The following PCM1 variants were observed in gnomAD, a reference collection of about 807,000 sequenced individuals.
The protein encoded by PCM1 is pericentriolar material 1.
In PCM1, 157 loss-of-function variants were observed where a neutral mutation model predicts 241.9. The observed-to-expected ratio is 0.65, with a 90% CI of 0.57 to 0.74. PCM1 has a LOEUF of 0.74. Among genes scored for constraint, PCM1 ranks in the 30% least tolerant of loss-of-function variants. PCM1 has a pLI of 0.00. For synonymous variants in PCM1, 1,085 were observed against 784.9 expected (o/e 1.38, Z -6.39); for missense variants, 3,478 against 2,360.1 (o/e 1.47, Z -9.81).
intron 24 of PCM1, among the ~76,000 whole-genome samples, chr8:17,981,905 G>GA (rs3216301): frequency 1.4e-3 from 212 of 149,088 alleles, no homozygotes; most frequent in African/African-American, 4.8e-3. Context: ...GACAAAAGGG[G>GA]AAAAAAAAAA....
In PCM1 at chr8:17,957,561, G is replaced by A. The variant is rs752356515; in HGVS notation, c.1826G>A (p.Gly609Glu). The change falls in exon 13 of 39, where the codon GGG becomes GAG. Residue 609 changes from glycine to glutamate, a missense_variant. Coordinates refer to ENST00000325083, the MANE Select transcript of PCM1 (RefSeq NM_006197.4). ...PSLDCRYNRE[G>E]EQEIHVAQGE... ...GCAGATTGTCGATATAATAGAGAAG[G>A]GGAACAGGAGATTCATGTTGCACAA... The A allele has an allele frequency of 1.1e-5, 18 of 1,575,692 alleles. No homozygotes were observed. The East Asian group carries it at 1.6e-4, about 14-fold the overall frequency.
chr8:18,025,329 A>C (rs754041482), intron 36 of PCM1, 32 bp from the exon 37 acceptor site: 1 of 1,107,642 alleles, frequency 9.0e-7, no homozygotes, highest in Non-Finnish European at 1.4e-6. Flanking sequence ...TTGGATCTAG[A>C]GTATGTATTT....
chr8:17,986,917 T>C (rs1295883592), intron 26 of PCM1, among the ~76,000 whole-genome samples: 1 of 151,854 alleles, frequency 6.6e-6, no homozygotes, highest in Admixed American at 6.6e-5. Context: ...GTTGAAGTGT[T>C]AATACTAAGT....
chr8:17,974,287 A>G (rs1342743483), intron 23 of PCM1, among the ~76,000 whole-genome samples: 2 of 152,244 alleles, frequency 1.3e-5, no homozygotes, highest in Admixed American at 6.5e-5. Flanking sequence ...CAGGGCCGTT[A>G]GGCAACTCAG....
Position 18,028,665 on chromosome 8 carries a change from ATT to A in PCM1, c.*1005_*1006del. On this transcript the variant is annotated 3_prime_UTR_variant, in exon 39 of 39. Coordinates refer to ENST00000325083, the MANE Select transcript of PCM1 (RefSeq NM_006197.4). ...TAAGTCAGCTTTTGAAAAGTGATTG[ATT>A]TGCTTTTTATCCCAAACTGTCCATA... is the stretch of plus-strand genomic sequence containing the variant. The A allele has an allele frequency of 5.8e-6, 1 of 173,620 alleles. No individual in the cohort carries two copies. The highest frequency in any genetic ancestry group is 1.2e-5 in the Non-Finnish European group (1 of 84,116). The allele number at this position is 173,620 out of a possible 1,614,324, so 10.8% of individuals were successfully genotyped here. A position where few individuals can be genotyped will look rare whatever the true frequency, so the allele number is the denominator to read the frequency against.
In PCM1 at chr8:17,957,561, G is replaced by C; in HGVS notation, c.1826G>C (p.Gly609Ala). ...GCAGATTGTCGATATAATAGAGAAG[G>C]GGAACAGGAGATTCATGTTGCACAA... is the stretch of plus-strand genomic sequence containing the variant. The part of the protein sequence containing the change: ...PSLDCRYNRE[G>A]EQEIHVAQGE... The change falls in exon 13 of 39, where the codon GGG (glycine) becomes GCG (alanine). Residue 609 changes from glycine (G) to alanine (A), a missense_variant. Coordinates refer to ENST00000325083, the MANE Select transcript of PCM1 (RefSeq NM_006197.4). 2 of 1,575,810 alleles carry C rather than the reference G, an allele frequency of 1.3e-6. No individual in the cohort carries two copies. The highest frequency in any genetic ancestry group is 1.7e-6 in the Non-Finnish European group (2 of 1,158,958).
rs1035938391 is a variant in PCM1, at chr8:17,935,697, C to T, written c.87C>T (p.Leu29=). 2.9e-6 allele frequency: 4 copies of T among 1,386,346 alleles called. No individual in the cohort carries two copies. Among genetic ancestry groups the T allele is most frequent in the Non-Finnish European group, 4.1e-6 (4 of 972,706 alleles). The allele number at this position is 1,386,346 out of a possible 1,614,324, so 85.9% of individuals were successfully genotyped here. A position where few individuals can be genotyped will look rare whatever the true frequency, so the allele number is the denominator to read the frequency against. ...GTAATGAGAATGTTGATGACAGGCT[C>T]AACAATATGGTATGATTCCTTACTC... ...NWSNENVDDR[L]NNMDWGAQQK... The change falls in exon 3 of 39, where the codon CTC becomes CTT. Residue 29 remains leucine (L), a synonymous_variant. Coordinates refer to ENST00000325083, the MANE Select transcript of PCM1 (RefSeq NM_006197.4).
At chr8:17,972,222 A>G (rs1356639478) in intron 22 of PCM1, 107 bp from the exon 23 acceptor site, 1 of 537,114 alleles carries the variant, frequency 1.9e-6, no homozygotes, top group African/African-American at 2.3e-5. Flanking sequence ...TAGCCTGTTG[A>G]CAATTTTATT....
At position 18,013,961 on chromosome 8, in the gene PCM1, T is replaced by C; in HGVS notation, c.5512-3T>C. The C allele has an allele frequency of 6.3e-7, 1 of 1,586,202 alleles. No homozygotes were observed. The highest frequency in any genetic ancestry group is 8.6e-7 in the Non-Finnish European group (1 of 1,161,462). On this transcript the variant is annotated splice_polypyrimidine_tract_variant and splice_region_variant and intron_variant, in intron 34 of 38. Coordinates refer to ENST00000325083, the MANE Select transcript of PCM1 (RefSeq NM_006197.4). ...CTGCTATTAAAACATTTTTCCCTTC[T>C]AGGTCCTACAACGTGACTTTAAAAA...
intron 15 of PCM1, among the ~76,000 whole-genome samples, chr8:17,960,921 A>G (rs1489974703): frequency 6.6e-6 from 1 of 152,148 alleles, no homozygotes; most frequent in African/African-American, 2.4e-5. Context: ...ACAGTGTAAA[A>G]GACAGCACAT....
At chr8:17,955,402 C>A in intron 9 of PCM1, 68 bp from the exon 10 acceptor site, 2 of 1,060,324 alleles carry the variant, frequency 1.9e-6, no homozygotes, top group Non-Finnish European at 2.6e-6. Context: ...ATATCCAAGC[C>A]AACTGTATGT....
intron 27 of PCM1, among the ~76,000 whole-genome samples, 167 bp from the exon 28 acceptor site, chr8:17,991,371 TTAAA>T (rs1339102977): frequency 2.0e-5 from 3 of 152,296 alleles, no homozygotes; most frequent in East Asian, 3.9e-4. Context: ...ATTTTAAGGA[TTAAA>T]TAAGTGTGAC....
chr8:17,962,272 T>A, intron 16 of PCM1, 98 bp downstream of exon 16: 1 of 994,840 alleles, frequency 1.0e-6, no homozygotes, highest in Non-Finnish European at 1.4e-6. Flanking sequence ...CTGAATATCC[T>A]TGAAACATGT....
chr8:17,990,080 T>C, intron 27 of PCM1, 101 bp downstream of exon 27: 1 of 919,738 alleles, frequency 1.1e-6, no homozygotes, highest in Non-Finnish European at 1.5e-6. Context: ...AGGCGAAGTG[T>C]GTGTGGTTGA....
At chr8:17,996,169 G>T (rs1476867318) in intron 29 of PCM1, among the ~76,000 whole-genome samples, 1 of 152,116 alleles carries the variant, frequency 6.6e-6, no homozygotes, top group Non-Finnish European at 1.5e-5. Context: ...CTAGCTGTGG[G>T]TCTGTTGTAT....
At position 17,960,064 on chromosome 8, in the gene PCM1, T is replaced by A; in HGVS notation, c.2091T>A (p.Asp697Glu). 6.2e-7 allele frequency: 1 copy of A among 1,612,330 alleles called. No homozygotes were observed. Among genetic ancestry groups the A allele is most frequent in the Non-Finnish European group, 8.5e-7 (1 of 1,179,076 alleles). Residue 697 changes from aspartate to glutamate, a missense_variant, in exon 14 of 39, where the codon GAT becomes GAA. Coordinates refer to ENST00000325083, the MANE Select transcript of PCM1 (RefSeq NM_006197.4). The part of the protein sequence containing the change: ...GVISASASNL[D>E]DFYPAEEDTK... ...TCTCTGCCAGTGCATCAAATTTGGA[T>A]GATTTCTACCCAGCAGAAGAAGACA... is the stretch of plus-strand genomic sequence containing the variant.
intron 38 of PCM1, among the ~76,000 whole-genome samples, chr8:18,026,468 C>T (rs1255232583): frequency 1.3e-5 from 2 of 151,326 alleles, no homozygotes; most frequent in African/African-American, 4.9e-5. Context: ...CACCAAGTTA[C>T]TCAGATGGTC....
intron 27 of PCM1, 64 bp from the exon 28 acceptor site, chr8:17,991,478 T>C (rs1269165915): frequency 1.4e-6 from 2 of 1,382,886 alleles, no homozygotes. Context: ...ATTAATGCAT[T>C]TTGAGGAATA....
intron 24 of PCM1, among the ~76,000 whole-genome samples, chr8:17,981,170 A>C (rs1216611958): frequency 6.6e-6 from 1 of 152,154 alleles, no homozygotes; most frequent in Non-Finnish European, 1.5e-5. Flanking sequence ...CTCCAGACTC[A>C]TTTCTCAACA....
Sources: allele counts gnomAD v4.1 joint callset (sites outside exome capture counted in the v4.1 genomes callset), GRCh38; gene constraint gnomAD v4.1.1; transcripts MANE v1.5; gene names NCBI Gene and HGNC (gene_info 2026-07-23, HGNC 2026-07-21).